SPOCK3: variants seen among roughly 807,000 people sequenced by gnomAD.
SPOCK3 encodes the protein SPARC (osteonectin), cwcv and kazal like domains proteoglycan 3.
Under a neutral mutation model 56.6 loss-of-function variants are expected in SPOCK3, and 30 were observed. The ratio of observed to expected loss-of-function variants is 0.53; its 90% CI spans 0.40 to 0.72. SPOCK3 has a LOEUF of 0.72. Ranked by LOEUF, SPOCK3 falls within the 30% of genes least tolerant of loss-of-function variation. The pLI is 0.00. For missense variants in SPOCK3, 527 were observed against 530.0 expected, an observed-to-expected ratio of 0.99 and a Z score of 0.06; for synonymous variants, 196 against 183.3, an observed-to-expected ratio of 1.07 and a Z score of -0.56.
intron 5 of SPOCK3, among the ~76,000 whole-genome samples, chr4:166,910,023 C>T (rs1737087595): frequency 6.6e-6 from 1 of 152,018 alleles, no homozygotes; most frequent in African/African-American, 2.4e-5. Context: ...TATTGAAGTC[C>T]TTAATTTGAG....
At position 166,754,719 on chromosome 4, in the gene SPOCK3, G is replaced by C; in HGVS notation, c.720C>G (p.Thr240=). The C allele has an allele frequency of 6.2e-7, 1 of 1,612,576 alleles. No homozygotes were observed. The highest frequency in any genetic ancestry group is 8.5e-7 in the Non-Finnish European group (1 of 1,179,222). ...LLRPERSRFD[T]SILPICKDSL... is the part of the protein sequence containing the mutation. ...AGTCCTTGCAAATTGGCAAGATGCT[G>C]GTATCGAATCCTAAAGGCAAAAAAA... Residue 240 remains threonine, a synonymous_variant, in exon 8 of 11, where the codon ACC becomes ACG. Coordinates refer to ENST00000357545, the MANE Select transcript of SPOCK3 (RefSeq NM_001040159.2).
chr4:166,860,716 G>A (rs1731136087), intron 6 of SPOCK3, among the ~76,000 whole-genome samples: 2 of 148,840 alleles, frequency 1.3e-5, no homozygotes, highest in Non-Finnish European at 3.0e-5. Flanking sequence ...TAGATGATGG[G>A]AAGAGACTGG....
intron 6 of SPOCK3, among the ~76,000 whole-genome samples, chr4:166,866,247 G>A (rs1731825296): frequency 6.6e-6 from 1 of 152,046 alleles, no homozygotes; most frequent in Non-Finnish European, 1.5e-5. Context: ...ACAGAAACTG[G>A]ACCTCTTCCT....
chr4:166,950,811 T>G (rs1427791958), intron 4 of SPOCK3, among the ~76,000 whole-genome samples: 1 of 149,452 alleles, frequency 6.7e-6, no homozygotes, highest in East Asian at 1.9e-4. Context: ...ACATGGAAAC[T>G]GAACAACCTG....
intron 6 of SPOCK3, among the ~76,000 whole-genome samples, chr4:166,822,705 A>C (rs918610248): frequency 2.7e-4 from 41 of 152,156 alleles, no homozygotes; most frequent in African/African-American, 9.9e-4. Flanking sequence ...TTATTCTTGT[A>C]ATTTATCATC....
chr4:166,772,686 A>G (rs1739086706), intron 7 of SPOCK3, among the ~76,000 whole-genome samples: 1 of 152,222 alleles, frequency 6.6e-6, no homozygotes, highest in Non-Finnish European at 1.5e-5. Flanking sequence ...GAACTTTTAA[A>G]TAATTCAGAA....
In SPOCK3 at chr4:166,826,650, A is replaced by AT. The variant is rs978902126; in HGVS notation, c.590-34362dup. On this transcript the variant is annotated intron_variant, in intron 6 of 10. Coordinates refer to ENST00000357545, the MANE Select transcript of SPOCK3 (RefSeq NM_001040159.2). Reference sequence around the variant, plus strand: ...TATAATTTTACAGTCAATAAATAAAATTTTTTTTTCAATTTACATTCTAAC... The same window carrying AT: ...TATAATTTTACAGTCAATAAATAAAATTTTTTTTTTCAATTTACATTCTAAC... Among the ~76,000 whole-genome samples, 11 of 151,692 alleles carry AT rather than the reference A, an allele frequency of 7.3e-5. No homozygotes were observed. In the East Asian group the frequency reaches 1.6e-3, roughly 21 times the overall value.
chr4:166,991,584 CATCTCACA>C (rs1211919893), intron 4 of SPOCK3, among the ~76,000 whole-genome samples: 2 of 151,726 alleles, frequency 1.3e-5, no homozygotes, highest in Non-Finnish European at 2.9e-5. Context: ...TGGCCAGGCT[CATCTCACA>C]CTCATGGCCT....
intron 6 of SPOCK3, among the ~76,000 whole-genome samples, chr4:166,857,014 A>G (rs35646569): frequency 0.22 from 33,733 of 151,922 alleles, 6,685 homozygotes; most frequent in African/African-American, 0.52. Flanking sequence ...GCACTAACCA[A>G]ATACAAGGCA....
intron 3 of SPOCK3, among the ~76,000 whole-genome samples, chr4:167,040,924 T>G (rs1482925441): frequency 1.3e-5 from 2 of 152,108 alleles, no homozygotes; most frequent in Non-Finnish European, 2.9e-5. Context: ...AAAGTTACAG[T>G]GAGTGGAAAG....
intron 2 of SPOCK3, among the ~76,000 whole-genome samples, chr4:167,109,122 A>G (rs868226830): frequency 9.1e-5 from 3 of 32,886 alleles, no homozygotes; most frequent in African/African-American, 2.4e-4. Context: ...AAATATATAT[A>G]AATATTATAT....
chr4:166,740,900 T>C (rs771036557), intron 9 of SPOCK3, among the ~76,000 whole-genome samples: 3 of 152,156 alleles, frequency 2.0e-5, no homozygotes, highest in Non-Finnish European at 4.4e-5. Context: ...ACATGACACA[T>C]TGTAGCATTT....
intron 4 of SPOCK3, among the ~76,000 whole-genome samples, chr4:166,987,010 C>T (rs779001180): frequency 3.9e-5 from 6 of 152,156 alleles, no homozygotes; most frequent in Non-Finnish European, 5.9e-5. Flanking sequence ...CTTCTCACAG[C>T]ACATGCAGTG....
At chr4:167,223,872 T>C (rs1461073186) in intron 2 of SPOCK3, among the ~76,000 whole-genome samples, 1 of 152,102 alleles carries the variant, frequency 6.6e-6, no homozygotes, top group Non-Finnish European at 1.5e-5. Flanking sequence ...TTATTATCAA[T>C]TTCTAGACAA....
At chr4:166,739,963 G>A (rs1414591043) in intron 9 of SPOCK3, among the ~76,000 whole-genome samples, 2 of 151,988 alleles carry the variant, frequency 1.3e-5, no homozygotes, top group African/African-American at 4.8e-5. Context: ...ATGGATTAAA[G>A]GCCAGAAAAA....
intron 4 of SPOCK3, among the ~76,000 whole-genome samples, chr4:166,964,778 G>T (rs922554882): frequency 8.6e-5 from 13 of 151,592 alleles, no homozygotes; most frequent in Admixed American, 5.9e-4. Context: ...TAAAATTAAA[G>T]AAGTCAATAA....
chr4:167,205,003 ATT>A (rs1410325566), intron 2 of SPOCK3, among the ~76,000 whole-genome samples: 3 of 130,678 alleles, frequency 2.3e-5, no homozygotes, highest in Admixed American at 8.3e-5. Flanking sequence ...ATCACCAGCT[ATT>A]TTTTTTTTTG....
At chr4:167,140,869 C>T (rs1288433841) in intron 2 of SPOCK3, among the ~76,000 whole-genome samples, 1 of 152,088 alleles carries the variant, frequency 6.6e-6, no homozygotes, top group Non-Finnish European at 1.5e-5. Context: ...AAAGAGGGTG[C>T]TATTTAAGCA....
chr4:167,171,968 G>A (rs1205607856), intron 2 of SPOCK3, among the ~76,000 whole-genome samples: 2 of 151,806 alleles, frequency 1.3e-5, no homozygotes, highest in Non-Finnish European at 2.9e-5. Context: ...CAGGACTAAA[G>A]AGGATACTGC....
Sources: allele counts gnomAD v4.1 joint callset (sites outside exome capture counted in the v4.1 genomes callset), GRCh38; gene constraint gnomAD v4.1.1; transcripts MANE v1.5; gene names NCBI Gene and HGNC (gene_info 2026-07-23, HGNC 2026-07-21).